Variants in NRG2 observed in about 807,000 individuals in gnomAD.
The protein encoded by NRG2 is neuregulin 2, also known as pro-neuregulin-2, membrane-bound isoform.
A neutral mutation model predicts 73.9 loss-of-function variants in NRG2; 27 were observed. The observed-to-expected ratio is 0.37, with a 90% CI of 0.27 to 0.50. NRG2 has a LOEUF of 0.50. Among genes scored for constraint, NRG2 ranks in the 20% least tolerant of loss-of-function variants. NRG2 has a pLI of 0.96. For missense variants in NRG2, 1,126 were observed against 1,210.1 expected (o/e 0.93, Z 1.03); for synonymous variants, 532 against 541.0 (o/e 0.98, Z 0.23).
At chr5:139,860,882 G>C (rs1762104122) in intron 5 of NRG2, among the ~76,000 whole-genome samples, 1 of 152,136 alleles carries the variant, frequency 6.6e-6, no homozygotes, top group Admixed American at 6.5e-5. Context: ...GCTCTTCTCT[G>C]TTACGTGGGG....
intron 1 of NRG2, among the ~76,000 whole-genome samples, chr5:139,925,450 C>T (rs925977007): frequency 6.6e-6 from 1 of 152,230 alleles, no homozygotes. Context: ...AAAGCACTAA[C>T]AATCCCAGAT....
chr5:139,958,896 C>T (rs73271499), intron 1 of NRG2, among the ~76,000 whole-genome samples: 2,612 of 152,282 alleles, frequency 0.017, 104 homozygotes, highest in African/African-American at 0.061. Context: ...TTAACTTCCT[C>T]ATTCCACAGA....
At position 140,039,758 on chromosome 5, in the gene NRG2, C is replaced by T. The variant is rs1487480041; in HGVS notation, c.700+2612G>A. Among the ~76,000 whole-genome samples, 3 of 152,162 alleles carry T rather than the reference C, an allele frequency of 2.0e-5. No individual in the cohort carries two copies. The East Asian group carries it at 5.8e-4, about 29-fold the overall frequency. The stretch of plus-strand genomic sequence containing the variant: ...AGAACCACACCTCTCAGAACCTACA[C>T]ACACTCAGACCTGAAACTAGCTAAA... On this transcript the variant is annotated intron_variant, in intron 1 of 9. Coordinates refer to ENST00000361474, the MANE Select transcript of NRG2 (RefSeq NM_004883.3).
intron 1 of NRG2, among the ~76,000 whole-genome samples, chr5:139,939,204 TTTCCTTCCTTCCTTCC>T (rs199952110): frequency 1.5e-4 from 20 of 133,884 alleles, no homozygotes; most frequent in African/African-American, 2.0e-4. Context: ...CAAAGATTTC[TTTCCTTCCTTCCTTCC>T]TTCCTTCCTT....
At chr5:139,949,094 A>G (rs1423495735) in intron 1 of NRG2, among the ~76,000 whole-genome samples, 1 of 152,198 alleles carries the variant, frequency 6.6e-6, no homozygotes, top group East Asian at 1.9e-4. Context: ...AATGAAACTG[A>G]TAAGACTAAT....
chr5:139,853,911 TA>T lies in NRG2; in HGVS notation c.1293-885del, dbSNP rs1208504073. Among the ~76,000 whole-genome samples, 7 of 152,160 alleles carry T rather than the reference TA, an allele frequency of 4.6e-5. No homozygotes were observed. Among genetic ancestry groups the T allele is most frequent in the Non-Finnish European group, 1.0e-4 (7 of 68,044 alleles). ...ATTTAATTATACATTTAAAAGAGTA[TA>T]ACTGGATTGCTTGTAACACAAAGGT... On this transcript the variant is annotated intron_variant, in intron 6 of 9. Transcript: ENST00000361474. This position sits in a 1 kb window ranked among gnomAD's most constrained non-coding sequence, Gnocchi z 4.1.
chr5:139,928,317 T>C (rs1752213495), intron 1 of NRG2, among the ~76,000 whole-genome samples: 1 of 152,150 alleles, frequency 6.6e-6, no homozygotes, highest in South Asian at 2.1e-4. Context: ...GCAATGAATA[T>C]AGTGTGTCAC....
At position 139,865,745 on chromosome 5, in the gene NRG2, CT is replaced by C. The variant is rs1762434389; in HGVS notation, c.1113-121del. ...ACCAAGTCAGGCACTTGGGGTCATA[CT>C]TGTAGCTGAAGGGACTGGAGTCAGG... On this transcript the variant is annotated intron_variant, in intron 4 of 9. Transcript: ENST00000361474. The surrounding 1 kb of genome is among the most constrained non-coding windows in gnomAD (Gnocchi z 5.2). The C allele has an allele frequency of 1.4e-6, 1 of 703,924 alleles. No individual in the cohort carries two copies. 43.6% of individuals were successfully genotyped at this position (703,924 alleles called of 1,614,324 possible).
intron 1 of NRG2, among the ~76,000 whole-genome samples, chr5:140,032,672 C>G (rs1001694548): frequency 6.6e-6 from 1 of 152,038 alleles, no homozygotes; most frequent in Non-Finnish European, 1.5e-5. Context: ...ACCAGGTAAA[C>G]GAGATAAGAT....
chr5:139,903,123 T>C (rs564182207), intron 1 of NRG2, among the ~76,000 whole-genome samples: 24 of 152,272 alleles, frequency 1.6e-4, no homozygotes, highest in South Asian at 6.2e-4. Context: ...TCAAGCACCA[T>C]CGAAGCCTCC....
intron 1 of NRG2, among the ~76,000 whole-genome samples, chr5:139,914,739 G>GT (rs1345818393): frequency 6.6e-6 from 1 of 152,160 alleles, no homozygotes; most frequent in Non-Finnish European, 1.5e-5. Context: ...ATTCCTGCCC[G>GT]TTTCTTAGTT....
chr5:139,916,002 T>G (rs887176352), intron 1 of NRG2, among the ~76,000 whole-genome samples: 2 of 152,102 alleles, frequency 1.3e-5, no homozygotes, highest in African/African-American at 4.8e-5. Flanking sequence ...TGAAAGGATA[T>G]TGAAGGGTTC....
intron 1 of NRG2, among the ~76,000 whole-genome samples, chr5:139,921,181 C>G (rs563704988): frequency 5.9e-5 from 9 of 152,336 alleles, no homozygotes; most frequent in Admixed American, 5.9e-4. Flanking sequence ...CCAACTTGAT[C>G]TATCGATTCA....
chr5:139,966,927 G>A (rs1448968254), intron 1 of NRG2, among the ~76,000 whole-genome samples: 1 of 152,198 alleles, frequency 6.6e-6, no homozygotes. Flanking sequence ...GGAGCTTACA[G>A]GAACTGCTCA....
At chr5:139,893,954 C>T (rs1031809581) in intron 1 of NRG2, among the ~76,000 whole-genome samples, 2 of 152,204 alleles carry the variant, frequency 1.3e-5, no homozygotes, top group African/African-American at 4.8e-5. Context: ...GGCTTCTGGC[C>T]TGTATCTGTT....
At chr5:139,961,781 C>T (rs971256900) in intron 1 of NRG2, among the ~76,000 whole-genome samples, 1 of 152,188 alleles carries the variant, frequency 6.6e-6, no homozygotes, top group Non-Finnish European at 1.5e-5. Flanking sequence ...GCTATCAGGC[C>T]ATCCTCAGGC....
chr5:140,026,545 A>T (rs1237186640), intron 1 of NRG2, among the ~76,000 whole-genome samples: 1 of 152,152 alleles, frequency 6.6e-6, no homozygotes, highest in African/African-American at 2.4e-5. Context: ...AAGCTGTAGT[A>T]TGCTATTATC....
At chr5:139,967,706 G>C (rs999192405) in intron 1 of NRG2, among the ~76,000 whole-genome samples, 1 of 152,152 alleles carries the variant, frequency 6.6e-6, no homozygotes, top group Non-Finnish European at 1.5e-5. Context: ...GGGCACAATG[G>C]CTCTTGCCTG....
chr5:139,968,027 T>G (rs1345279040), intron 1 of NRG2, among the ~76,000 whole-genome samples: 1 of 150,868 alleles, frequency 6.6e-6, no homozygotes, highest in East Asian at 2.0e-4. Context: ...AGAACAGGAC[T>G]GCATGCTTAC....
Sources: allele counts gnomAD v4.1 joint callset (sites outside exome capture counted in the v4.1 genomes callset), GRCh38; gene constraint gnomAD v4.1.1; non-coding constraint Gnocchi (gnomAD v3.1); transcripts MANE v1.5; gene names NCBI Gene and HGNC (gene_info 2026-07-23, HGNC 2026-07-21).